Variants in NCAM1 observed in about 807,000 individuals in gnomAD.
NCAM1 encodes the protein antigen recognized by monoclonal antibody 5.1H11.
NCAM1 carries 14 observed loss-of-function variants against 109.8 expected under a neutral mutation model. The observed-to-expected ratio is 0.13, with a 90% CI of 0.08 to 0.20. The LOEUF (loss-of-function observed/expected upper bound fraction) is 0.20, where lower values mean the gene tolerates loss of function less well. Ranked by LOEUF, NCAM1 falls within the 10% of genes least tolerant of loss-of-function variation. The probability of loss-of-function intolerance (pLI) is 1.00; values close to 1 mark genes in which losing one functional copy is unlikely to be tolerated. For synonymous variants in NCAM1, 418 were observed against 442.9 expected, an observed-to-expected ratio of 0.94 and a Z score of 0.70; for missense variants, 774 against 1,109.9, an observed-to-expected ratio of 0.70 and a Z score of 4.30.
intron 1 of NCAM1, among the ~76,000 whole-genome samples, chr11:113,109,787 G>A (rs1940360549): frequency 6.6e-6 from 1 of 152,146 alleles, no homozygotes; most frequent in Non-Finnish European, 1.5e-5. Flanking sequence ...CTTGAATGTG[G>A]ATCTTGAATG....
At chr11:113,159,621 T>C (rs1942530197) in intron 1 of NCAM1, among the ~76,000 whole-genome samples, 1 of 152,240 alleles carries the variant, frequency 6.6e-6, no homozygotes, top group South Asian at 2.1e-4. Flanking sequence ...GAATTATTTC[T>C]ATTACATGCA....
chr11:113,001,049 G>T (rs150937157), intron 1 of NCAM1, among the ~76,000 whole-genome samples: 234 of 152,136 alleles, frequency 1.5e-3, no homozygotes, highest in African/African-American at 5.0e-3. Flanking sequence ...ATTCTCTGAA[G>T]AGTTCACCTA....
At chr11:112,983,420 A>AT (rs11396766) in intron 1 of NCAM1, among the ~76,000 whole-genome samples, 78,989 of 150,448 alleles carry the variant, frequency 0.53, 21,442 homozygotes, top group Middle Eastern at 0.64. Flanking sequence ...AAAAATTTGG[A>AT]TTTTTTTTTT....
chr11:113,014,274 A>G lies in NCAM1; in HGVS notation c.52+52610A>G, dbSNP rs79905224. The stretch of plus-strand genomic sequence containing the variant: ...AAATATACAGTGCAGCCCTTTGGAA[A>G]AAGAGATATCCTAGCTCAGGGCAAG... On this transcript the variant is annotated intron_variant, in intron 1 of 19. Coordinates refer to ENST00000316851, the MANE Select transcript of NCAM1 (RefSeq NM_181351.5). Among the ~76,000 whole-genome samples the G allele has an allele frequency of 9.8e-3, 1,495 of 152,290 alleles. 26 individuals carry two copies. The highest frequency in any genetic ancestry group is 0.034 in the African/African-American group (1,413 of 41,550).
intron 1 of NCAM1, among the ~76,000 whole-genome samples, chr11:113,124,305 A>G (rs984898025): frequency 6.6e-6 from 1 of 152,208 alleles, no homozygotes; most frequent in South Asian, 2.1e-4. Context: ...TCTTTTCTCA[A>G]TCATTAGTAC....
At chr11:113,215,984 G>C (rs536624479) in intron 8 of NCAM1, among the ~76,000 whole-genome samples, 43 of 152,248 alleles carry the variant, frequency 2.8e-4, no homozygotes, top group Non-Finnish European at 5.1e-4. Flanking sequence ...GACCTACAGT[G>C]AAGGACAGAA....
At chr11:113,171,668 T>TAAATAAAG (rs1425983460) in intron 1 of NCAM1, among the ~76,000 whole-genome samples, 1 of 130,172 alleles carries the variant, frequency 7.7e-6, no homozygotes, top group East Asian at 2.2e-4. Flanking sequence ...AATAAATAAA[T>TAAATAAAG]AAAGAGAAGA....
chr11:113,067,304 C>G (rs1432410227), intron 1 of NCAM1, among the ~76,000 whole-genome samples: 2 of 152,170 alleles, frequency 1.3e-5, no homozygotes, highest in African/African-American at 4.8e-5. Flanking sequence ...GACTCATGTG[C>G]TTTACTGGAA....
intron 1 of NCAM1, among the ~76,000 whole-genome samples, chr11:113,152,997 G>C (rs1353964312): frequency 6.6e-6 from 1 of 152,084 alleles, no homozygotes; most frequent in Non-Finnish European, 1.5e-5. Context: ...TTCAATTGCT[G>C]GTAGTTCAGG....
chr11:113,003,564 T>A (rs1308589062), intron 1 of NCAM1, among the ~76,000 whole-genome samples: 1 of 152,258 alleles, frequency 6.6e-6, no homozygotes, highest in Non-Finnish European at 1.5e-5. Flanking sequence ...TGTTCAGATT[T>A]ATCTTATGAT....
At chr11:113,165,017 G>A (rs1555105034) in intron 1 of NCAM1, among the ~76,000 whole-genome samples, 1 of 152,012 alleles carries the variant, frequency 6.6e-6, no homozygotes, top group South Asian at 2.1e-4. Context: ...TGGCAACAGG[G>A]GTCAAAGACA....
intron 1 of NCAM1, among the ~76,000 whole-genome samples, chr11:112,984,171 T>C (rs559433502): frequency 6.6e-6 from 1 of 152,126 alleles, no homozygotes; most frequent in East Asian, 1.9e-4. Flanking sequence ...TCCTCGTGTG[T>C]CTGGCTTATT....
At chr11:113,026,784 T>A (rs1239939770) in intron 1 of NCAM1, among the ~76,000 whole-genome samples, 8 of 152,230 alleles carry the variant, frequency 5.3e-5, no homozygotes, top group Non-Finnish European at 1.0e-4. Context: ...CTGCTAGGCA[T>A]TTAACGTACA....
chr11:113,006,080 T>A (rs1951887755), intron 1 of NCAM1, among the ~76,000 whole-genome samples: 1 of 152,196 alleles, frequency 6.6e-6, no homozygotes, highest in Admixed American at 6.5e-5. Context: ...TACATGTCCT[T>A]TTTTGGTTTC....
At chr11:113,132,413 C>T (rs1253453861) in intron 1 of NCAM1, among the ~76,000 whole-genome samples, 4 of 152,106 alleles carry the variant, frequency 2.6e-5, no homozygotes, top group African/African-American at 9.7e-5. Flanking sequence ...TTCAGTCCTG[C>T]CTCAGCTCTA....
chr11:113,250,629 G>T (rs1356600161), intron 15 of NCAM1, among the ~76,000 whole-genome samples: 19 of 152,152 alleles, frequency 1.2e-4, no homozygotes, highest in African/African-American at 4.6e-4. Flanking sequence ...TAAACAAAAT[G>T]AACAGTATTT....
chr11:113,131,485 G>GT (rs1555098295), intron 1 of NCAM1, among the ~76,000 whole-genome samples: 1 of 152,212 alleles, frequency 6.6e-6, no homozygotes. Flanking sequence ...AGAGGGATGT[G>GT]TTGGAAGCAC....
intron 13 of NCAM1, 36 bp from the exon 14 acceptor site, chr11:113,234,997 A>C: frequency 6.5e-7 from 1 of 1,530,458 alleles, no homozygotes; most frequent in African/African-American, 1.4e-5. Context: ...CATTTTAACA[A>C]TAGACTCTTT....
chr11:113,205,453 T>C (rs1310565184), intron 3 of NCAM1, 70 bp from the exon 4 acceptor site: 10 of 1,540,956 alleles, frequency 6.5e-6, no homozygotes, highest in Non-Finnish European at 8.8e-6. Context: ...CCAGGTACCA[T>C]GGCTCTAGTG....
Sources: allele counts gnomAD v4.1 joint callset (sites outside exome capture counted in the v4.1 genomes callset), GRCh38; gene constraint gnomAD v4.1.1; transcripts MANE v1.5; gene names NCBI Gene and HGNC (gene_info 2026-07-23, HGNC 2026-07-21).